The following ARSG variants were observed in gnomAD, a reference collection of about 807,000 sequenced individuals.
The protein encoded by ARSG is ASG.
In ARSG, 37 loss-of-function variants were observed where a neutral mutation model predicts 50.5. The ratio of observed to expected loss-of-function variants is 0.73; its 90% CI spans 0.56 to 0.96. The LOEUF is 0.96. ARSG is among the 50% of genes least tolerant of loss of function. The probability of loss-of-function intolerance (pLI) is 0.00; values close to 1 mark genes in which losing one functional copy is unlikely to be tolerated. For missense variants in ARSG, 629 were observed against 675.3 expected, an observed-to-expected ratio of 0.93 and a Z score of 0.76; for synonymous variants, 225 against 254.6, an observed-to-expected ratio of 0.88 and a Z score of 1.11.
At chr17:68,426,251 G>GGGGGGGGGGGGGGGGA, downstream of ARSG, 1 of 825,460 alleles carries the variant, frequency 1.2e-6, no homozygotes, top group Non-Finnish European at 1.9e-6. Context: ...GTGGGGAGCG[G>GGGGGGGGGGGGGGGGA]GGGCTCAAAT....
At chr17:68,339,431 T>TA (rs1418541644) in intron 2 of ARSG, among the ~76,000 whole-genome samples, 3 of 152,250 alleles carry the variant, frequency 2.0e-5, no homozygotes, top group African/African-American at 4.8e-5. Flanking sequence ...ATTGGGTCTG[T>TA]ATTAAAATTC....
At chr17:68,331,026 C>T (rs1418922499) in intron 2 of ARSG, among the ~76,000 whole-genome samples, 2 of 150,022 alleles carry the variant, frequency 1.3e-5, no homozygotes, top group Non-Finnish European at 3.0e-5. Context: ...ACTCTGTCAC[C>T]CAGGCTGGAG....
intron 10 of ARSG, among the ~76,000 whole-genome samples, chr17:68,396,362 T>C (rs774954491): frequency 1.8e-4 from 27 of 152,152 alleles, no homozygotes; most frequent in Non-Finnish European, 3.8e-4. Flanking sequence ...GGCTCTGGGC[T>C]TCCACTTCCC....
intron 1 of ARSG, among the ~76,000 whole-genome samples, chr17:68,280,201 GAA>G (rs1317772957): frequency 1.8e-5 from 2 of 109,046 alleles, no homozygotes; most frequent in Non-Finnish European, 3.9e-5. Context: ...AAAAAAAAAA[GAA>G]TTATTTATAT....
intron 8 of ARSG, among the ~76,000 whole-genome samples, chr17:68,373,735 C>CCA: frequency 6.6e-6 from 1 of 151,954 alleles, no homozygotes; most frequent in East Asian, 1.9e-4. Context: ...CTCTCTCTCT[C>CCA]TCTATATATA....
chr17:68,416,095 C>A (rs2082351197), intron 11 of ARSG, among the ~76,000 whole-genome samples: 1 of 151,920 alleles, frequency 6.6e-6, no homozygotes, highest in Admixed American at 6.6e-5. Context: ...TTTGTTTTTG[C>A]TTTTCAAATT....
chr17:68,368,870 G>A, intron 7 of ARSG, 126 bp downstream of exon 7: 1 of 1,106,468 alleles, frequency 9.0e-7, no homozygotes, highest in Admixed American at 2.9e-5. Context: ...TTGAACTTGT[G>A]GCCCAGATAA....
intron 11 of ARSG, among the ~76,000 whole-genome samples, chr17:68,409,666 T>C (rs1444173106): frequency 6.7e-6 from 1 of 148,958 alleles, no homozygotes; most frequent in Admixed American, 6.7e-5. Flanking sequence ...AAGAAAGTCA[T>C]TGGTAGCTTG....
At chr17:68,434,837 C>T in the ARSG span, among the ~76,000 whole-genome samples, 96 of 152,218 alleles carry the variant, frequency 6.3e-4, no homozygotes, top group African/African-American at 2.2e-3. Context: ...TTCCCTTCCA[C>T]CTGTGCCCAA....
At chr17:68,288,930 AT>A (rs1568421345), upstream of ARSG, among the ~76,000 whole-genome samples, 2 of 152,294 alleles carry the variant, frequency 1.3e-5, no homozygotes, top group East Asian at 3.9e-4. Flanking sequence ...ACAATTCTGA[AT>A]GGGGGTTCCC....
At chr17:68,309,833 TG>T (rs1555766024) in intron 2 of ARSG, among the ~76,000 whole-genome samples, 1 of 151,244 alleles carries the variant, frequency 6.6e-6, no homozygotes, top group Non-Finnish European at 1.5e-5. Flanking sequence ...CACTCCAGCC[TG>T]GGCAATAAGA....
At chr17:68,332,841 T>C (rs2077835661) in intron 2 of ARSG, among the ~76,000 whole-genome samples, 3 of 152,208 alleles carry the variant, frequency 2.0e-5, no homozygotes, top group Admixed American at 2.0e-4. Context: ...ATTTTGAAGC[T>C]GGTTATGCTG....
intron 1 of ARSG, chr17:68,274,400 A>C (rs2075443871): frequency 9.9e-6 from 2 of 201,476 alleles, no homozygotes; most frequent in South Asian, 2.1e-4. Context: ...TGGGAGGCAG[A>C]CGATGCAGTG....
At chr17:68,328,486 C>G (rs77013388) in intron 2 of ARSG, among the ~76,000 whole-genome samples, 1 of 152,162 alleles carries the variant, frequency 6.6e-6, no homozygotes, top group African/African-American at 2.4e-5. Context: ...TTTCTTATCA[C>G]TCTGCCTCCC....
chr17:68,317,735 G>A (rs552292576), intron 2 of ARSG, among the ~76,000 whole-genome samples: 3 of 152,330 alleles, frequency 2.0e-5, no homozygotes, highest in African/African-American at 7.2e-5. Context: ...TGATAAGATA[G>A]CCAGAAGATA....
At chr17:68,419,571 C>T (rs2082623769) in intron 11 of ARSG, among the ~76,000 whole-genome samples, 1 of 151,932 alleles carries the variant, frequency 6.6e-6, no homozygotes, top group Admixed American at 6.6e-5. Context: ...AGCGAGACTC[C>T]AACTTGAAAA....
At chr17:68,396,010 T>G (rs1391181364) in intron 10 of ARSG, among the ~76,000 whole-genome samples, 2 of 116,618 alleles carry the variant, frequency 1.7e-5, no homozygotes, top group Non-Finnish European at 4.0e-5. Flanking sequence ...CTGTTTTTTT[T>G]TTTTGTTTTT....
intron 4 of ARSG, among the ~76,000 whole-genome samples, chr17:68,351,181 A>G (rs899916771): frequency 7.8e-5 from 11 of 141,438 alleles, no homozygotes; most frequent in Admixed American, 2.8e-4. Context: ...ATTTTTTATA[A>G]TTTTTTTTTT....
In ARSG at chr17:68,381,924, G is replaced by A. The variant is rs949667181; in HGVS notation, c.983-3140G>A. The stretch of plus-strand genomic sequence containing the variant: ...AGGGTGCTGGCTGTGTAGTCAGACC[G>A]GCGTTCACATCTTGGCTCTATCATT... On this transcript the variant is annotated intron_variant, in intron 8 of 11. Coordinates refer to ENST00000621439, the MANE Select transcript of ARSG (RefSeq NM_001267727.2). The surrounding 1 kb of genome is among the most constrained non-coding windows in gnomAD (Gnocchi z 4.1). 3.3e-5 allele frequency among the ~76,000 whole-genome samples: 5 copies of A among 151,944 alleles called. No homozygotes were observed. The highest frequency in any genetic ancestry group is 3.9e-4 in the East Asian group (2 of 5,162).
Sources: gnomAD v4.1 joint callset for allele counts (sites outside exome capture counted in the v4.1 genomes callset) on GRCh38, gnomAD v4.1.1 for gene constraint, Gnocchi (gnomAD v3.1) non-coding constraint, MANE v1.5 for transcripts, NCBI Gene and HGNC (gene_info 2026-07-23, HGNC 2026-07-21) for gene names.